The following UBR1 variants were observed in gnomAD, a reference collection of about 807,000 sequenced individuals.
UBR1 encodes E3 ubiquitin-protein ligase UBR1.
In UBR1, 102 loss-of-function variants were observed where a neutral mutation model predicts 242.1. The ratio of observed to expected loss-of-function variants is 0.42; its 90% CI spans 0.36 to 0.50. The LOEUF is 0.50. Among genes scored for constraint, UBR1 ranks in the 20% least tolerant of loss-of-function variants. The pLI is 0.01. For missense variants in UBR1, 1,772 were observed against 2,101.8 expected (o/e 0.84, Z 3.07); for synonymous variants, 675 against 684.8 (o/e 0.99, Z 0.22).
chr15:42,950,582 T>G, intron 45 of UBR1: 1 of 557,038 alleles, frequency 1.8e-6, no homozygotes, highest in Non-Finnish European at 3.2e-6. Flanking sequence ...AGCAGTGGAT[T>G]TGGTGAAATG....
intron 22 of UBR1, 25 bp from the exon 23 acceptor site, chr15:43,026,688 G>C: frequency 6.4e-7 from 1 of 1,558,668 alleles, no homozygotes; most frequent in Non-Finnish European, 8.8e-7. Flanking sequence ...AATACAAGAT[G>C]AACTGCAGTG....
At chr15:42,999,588 G>A (rs1021565485) in intron 32 of UBR1, among the ~76,000 whole-genome samples, 2 of 152,226 alleles carry the variant, frequency 1.3e-5, no homozygotes, top group Admixed American at 6.5e-5. Context: ...AGTACTTTGA[G>A]AGGCTGAGGT....
intron 3 of UBR1, among the ~76,000 whole-genome samples, chr15:43,079,188 C>G (rs2033944684): frequency 6.6e-6 from 1 of 151,994 alleles, no homozygotes. Flanking sequence ...AACCACAGAC[C>G]AGGCACAGTG....
intron 21 of UBR1, among the ~76,000 whole-genome samples, chr15:43,028,432 G>C (rs1056431525): frequency 6.6e-6 from 1 of 152,034 alleles, no homozygotes; most frequent in African/African-American, 2.4e-5. Flanking sequence ...GTAAAGATAA[G>C]AAAGGTAACC....
intron 2 of UBR1, among the ~76,000 whole-genome samples, chr15:43,083,094 G>C (rs1319472848): frequency 6.6e-6 from 1 of 152,124 alleles, no homozygotes; most frequent in Admixed American, 6.5e-5. Context: ...TTTTACAAAA[G>C]CTGATTGCTC....
chr15:43,076,762 G>A (rs2033904338), intron 3 of UBR1, among the ~76,000 whole-genome samples: 1 of 140,050 alleles, frequency 7.1e-6, no homozygotes, highest in Non-Finnish European at 1.6e-5. Context: ...CACCGCGTCC[G>A]GGAGGGAGGT....
intron 3 of UBR1, among the ~76,000 whole-genome samples, chr15:43,077,670 A>T (rs925073725): frequency 4.6e-5 from 7 of 151,474 alleles, no homozygotes; most frequent in Non-Finnish European, 7.4e-5. Context: ...TCTGAGAAAA[A>T]AAAAAATAAA....
intron 3 of UBR1, among the ~76,000 whole-genome samples, chr15:43,079,595 C>T (rs533719392): frequency 3.0e-3 from 459 of 151,962 alleles, no homozygotes; most frequent in African/African-American, 0.01. Flanking sequence ...CTGGCTAACA[C>T]GGTGAAACCC....
intron 30 of UBR1, among the ~76,000 whole-genome samples, chr15:43,005,378 A>AGGGAGGTGG (rs2032801968): frequency 7.6e-6 from 1 of 131,902 alleles, no homozygotes; most frequent in Admixed American, 7.2e-5. Context: ...GAGGGAGGTG[A>AGGGAGGTGG]GGGGCAGCCC....
At chr15:43,035,725 T>C (rs2033324887) in intron 19 of UBR1, among the ~76,000 whole-genome samples, 2 of 150,748 alleles carry the variant, frequency 1.3e-5, no homozygotes, top group South Asian at 4.2e-4. Context: ...TGAATGGTAA[T>C]GCCTAGGTTT....
intron 26 of UBR1, among the ~76,000 whole-genome samples, chr15:43,021,992 T>C (rs770963681): frequency 6.6e-6 from 1 of 152,178 alleles, no homozygotes; most frequent in South Asian, 2.1e-4. Context: ...CCTAAATATC[T>C]GTCTCTGGTC....
chr15:42,966,467 A>T (rs1172512553), intron 40 of UBR1, among the ~76,000 whole-genome samples, 181 bp from the exon 41 acceptor site: 2 of 152,196 alleles, frequency 1.3e-5, no homozygotes, highest in Non-Finnish European at 2.9e-5. Flanking sequence ...CAGGTGGATC[A>T]CCTGAGGTCA....
In UBR1 at chr15:43,059,786, C is replaced by G; in HGVS notation, c.901G>C (p.Glu301Gln). ...GCCATAATCTCTGAGTGTAATACTT[C>G]TACATGAAGTGGATGTTGAGAGACA... ...ENVSQHPLHV[E>Q]VLHSEIMAHQ... is the part of the protein sequence containing the mutation. The change falls in exon 8 of 47, where the codon GAA becomes CAA. Residue 301 changes from glutamate to glutamine, a missense_variant. Around this residue, in one of 3 missense-constraint regions of UBR1, gnomAD observed 734 missense variants for 893.3 expected, o/e 0.82. Coordinates refer to ENST00000290650, the MANE Select transcript of UBR1 (RefSeq NM_174916.3). The G allele has an allele frequency of 6.2e-7, 1 of 1,613,986 alleles. No homozygotes were observed. Among genetic ancestry groups the G allele is most frequent in the Non-Finnish European group, 8.5e-7 (1 of 1,179,980 alleles).
rs562378795 is a variant in UBR1 at position 43,093,235 on chromosome 15, A to G, written c.82-6995T>C. ...GCCTGTTTGGGAACATCATTCTGAA[A>G]AAGGAACTTACTTAAGTAGATTAGT... On this transcript the variant is annotated intron_variant, in intron 1 of 46. Coordinates refer to ENST00000290650, the MANE Select transcript of UBR1 (RefSeq NM_174916.3). Among the ~76,000 whole-genome samples the G allele has an allele frequency of 7.9e-4, 120 of 152,226 alleles. 1 individual carries two copies. The highest frequency in any genetic ancestry group is 1.8e-3 in the Admixed American group (27 of 15,282).
chr15:43,078,069 A>G (rs528603761), intron 3 of UBR1, among the ~76,000 whole-genome samples: 1 of 152,328 alleles, frequency 6.6e-6, no homozygotes, highest in African/African-American at 2.4e-5. Flanking sequence ...GGGAGCTTAA[A>G]AGACTCCATG....
At chr15:43,076,281 G>T (rs2033891797) in intron 3 of UBR1, among the ~76,000 whole-genome samples, 1 of 152,020 alleles carries the variant, frequency 6.6e-6, no homozygotes, top group African/African-American at 2.4e-5. Context: ...TTCACTCAGT[G>T]CTCAATGGTG....
intron 46 of UBR1, 120 bp downstream of exon 46, chr15:42,950,142 A>G: frequency 6.0e-6 from 6 of 991,780 alleles, no homozygotes; most frequent in South Asian, 1.4e-5. Context: ...TCTGGCCTCA[A>G]TTACCTTTTG....
intron 15 of UBR1, 38 bp downstream of exon 15, chr15:43,043,177 C>T: frequency 6.2e-7 from 1 of 1,605,114 alleles, no homozygotes; most frequent in Non-Finnish European, 8.5e-7. Context: ...AGAAAGAAAG[C>T]TAATAGGTAT....
chr15:42,961,515 C>T (rs904558017), intron 42 of UBR1, among the ~76,000 whole-genome samples: 2 of 151,812 alleles, frequency 1.3e-5, no homozygotes, highest in African/African-American at 4.8e-5. Flanking sequence ...CTTCTGCCTC[C>T]CAGGTTCAAG....
Sources: gnomAD v4.1 joint callset for allele counts (sites outside exome capture counted in the v4.1 genomes callset) on GRCh38, gnomAD v4.1.1 for gene constraint, gnomAD v4.1.1 regional missense constraint, MANE v1.5 for transcripts, NCBI Gene and HGNC (gene_info 2026-07-23, HGNC 2026-07-21) for gene names.